The following SLC9A7 variants were observed in gnomAD, a reference collection of about 807,000 sequenced individuals.
SLC9A7 encodes solute carrier family 9 member A7.
Under a neutral mutation model 52.6 loss-of-function variants are expected in SLC9A7, and 19 were observed. The observed-to-expected ratio is 0.36, with a 90% CI of 0.25 to 0.53. SLC9A7 has a LOEUF of 0.53. Among genes scored for constraint, SLC9A7 ranks in the 20% least tolerant of loss-of-function variants. The pLI, the probability that SLC9A7 is intolerant of heterozygous loss-of-function variation, is 0.91. For missense variants in SLC9A7, 455 were observed against 597.9 expected (o/e 0.76, Z 2.49); for synonymous variants, 226 against 252.1 (o/e 0.90, Z 0.98).
At chrX:46,645,878 C>T (rs971794972) in intron 11 of SLC9A7, among the ~76,000 whole-genome samples, 2 of 110,916 alleles carry the variant, frequency 1.8e-5, no homozygotes, top group Non-Finnish European at 3.8e-5. Flanking sequence ...GAGCTTATGC[C>T]ATATTGGTAT....
At position 46,749,115 on chromosome X, in the gene SLC9A7, T is replaced by C. The variant is rs1191219602; in HGVS notation, c.325+9590A>G. Reference sequence around the variant, plus strand: ...GGCAAATGTTTTCACACACAAAGGTTTCCTTCTCAGAAACTTCACTGTCAG... The same window carrying C: ...GGCAAATGTTTTCACACACAAAGGTCTCCTTCTCAGAAACTTCACTGTCAG... On this transcript the variant is annotated intron_variant, in intron 1 of 16. Coordinates refer to ENST00000616978, the MANE Select transcript of SLC9A7 (RefSeq NM_001257291.2). Among the ~76,000 whole-genome samples, 10 of 112,250 alleles carry C rather than the reference T, an allele frequency of 8.9e-5. No homozygotes were observed. In the Admixed American group the frequency reaches 9.5e-4, roughly 11 times the overall value.
intron 1 of SLC9A7, 52 bp downstream of exon 1, chrX:46,758,653 A>C (rs1373722305): frequency 3.4e-6 from 3 of 872,967 alleles, no homozygotes; most frequent in Non-Finnish European, 4.6e-6. Flanking sequence ...CGCCAGGAGG[A>C]GCGCGGCGGC....
Position 46,629,105 on chromosome X carries a change from G to A in SLC9A7, c.1740+2481C>T, listed in dbSNP as rs750121428. Among the ~76,000 whole-genome samples the A allele has an allele frequency of 8.9e-5, 10 of 112,368 alleles. No individual in the cohort carries two copies. In the East Asian group the frequency reaches 2.8e-3, roughly 32 times the overall value. On this transcript the variant is annotated intron_variant, in intron 14 of 16. Transcript: ENST00000616978. Reference sequence around the variant, plus strand: ...ACTTTGAGGGGCCCTCTGCATGACTGTGTATGAGGTCTGGAAGGAAGGAGG... The same window carrying A: ...ACTTTGAGGGGCCCTCTGCATGACTATGTATGAGGTCTGGAAGGAAGGAGG...
chrX:46,654,982 CTT>C (rs60881484), intron 7 of SLC9A7, among the ~76,000 whole-genome samples: 3 of 83,597 alleles, frequency 3.6e-5, no homozygotes, highest in African/African-American at 1.4e-4. Flanking sequence ...TTCTTTCTTT[CTT>C]TTTTTTTTTT....
chrX:46,660,244 T>C (rs1813859189), intron 7 of SLC9A7, among the ~76,000 whole-genome samples: 1 of 110,867 alleles, frequency 9.0e-6, no homozygotes, highest in Non-Finnish European at 1.9e-5. Flanking sequence ...GACTTAAATG[T>C]TAGACCTAAA....
intron 3 of SLC9A7, among the ~76,000 whole-genome samples, chrX:46,674,568 T>C (rs751081480): frequency 1.8e-5 from 2 of 111,596 alleles, no homozygotes; most frequent in African/African-American, 6.5e-5. Flanking sequence ...AAGTCACACG[T>C]CCGCCAAACC....
At chrX:46,655,507 GGT>G (rs1943664073) in intron 7 of SLC9A7, among the ~76,000 whole-genome samples, 1 of 111,365 alleles carries the variant, frequency 9.0e-6, no homozygotes, top group South Asian at 3.8e-4. Flanking sequence ...CAGGTCAGTG[GGT>G]GCGCGCACCA....
intron 1 of SLC9A7, among the ~76,000 whole-genome samples, chrX:46,742,669 ATATC>A (rs759431174): frequency 2.7e-5 from 3 of 112,496 alleles, no homozygotes; most frequent in Non-Finnish European, 3.8e-5. Context: ...GTGGTTACAC[ATATC>A]TATCTATCTA....
chrX:46,659,685 C>T (rs1943777033), intron 7 of SLC9A7, among the ~76,000 whole-genome samples: 1 of 60,195 alleles, frequency 1.7e-5, no homozygotes, highest in Non-Finnish European at 2.9e-5. Context: ...AGGACCTCTT[C>T]AAGGAGAACT....
intron 1 of SLC9A7, chrX:46,725,114 C>T: frequency 3.4e-6 from 2 of 591,006 alleles, no homozygotes; most frequent in Non-Finnish European, 6.0e-6. Flanking sequence ...CCCCTAGTCC[C>T]ATAATATGTG....
chrX:46,653,559 G>T (rs1943618357), intron 8 of SLC9A7, 50 bp downstream of exon 8: 7 of 875,862 alleles, frequency 8.0e-6, no homozygotes, highest in Non-Finnish European at 1.2e-5. Context: ...AGTTCCCACA[G>T]ACCCCACTAC....
intron 6 of SLC9A7, 90 bp downstream of exon 6, chrX:46,662,448 T>C (rs936128733): frequency 2.5e-5 from 16 of 641,062 alleles, no homozygotes; most frequent in Non-Finnish European, 3.4e-5. Flanking sequence ...CAATTCAATA[T>C]GTAATACATT....
intron 7 of SLC9A7, among the ~76,000 whole-genome samples, chrX:46,659,179 A>C (rs1182896379): frequency 8.9e-6 from 1 of 112,142 alleles, no homozygotes; most frequent in East Asian, 2.8e-4. Context: ...AACAACCTTC[A>C]TGCTAAAAAC....
rs749642792 is a variant in SLC9A7 at position 46,631,679 on chromosome X, G to A, written c.1677-30C>T. 8.8e-6 allele frequency: 10 copies of A among 1,139,402 alleles called. No individual in the cohort carries two copies. In the African/African-American group the frequency reaches 1.6e-4, roughly 18 times the overall value. 93.9% of individuals were successfully genotyped at this position (1,139,402 alleles called of 1,213,427 possible). On this transcript the variant is annotated intron_variant, in intron 13 of 16. Coordinates refer to ENST00000616978, the MANE Select transcript of SLC9A7 (RefSeq NM_001257291.2). ...AAGTCACCAGGGAGAAAGACAAAGA[G>A]AAAAACAGAGCGTATTAGCTTGGCC...
chrX:46,669,455 C>A, intron 5 of SLC9A7, 152 bp downstream of exon 5: 1 of 381,761 alleles, frequency 2.6e-6, no homozygotes. Flanking sequence ...GTCTGTTAGA[C>A]CCACCTATTG....
rs779971441 is a variant in SLC9A7, at chrX:46,651,299, C to T, written c.1236+17G>A. ...TGTGTTAACAAGCAACTCGTGAGTACCAAGCCTCTCTCTCACCTGCTTGGT... is the reference window on the plus strand; with the variant it reads ...TGTGTTAACAAGCAACTCGTGAGTATCAAGCCTCTCTCTCACCTGCTTGGT... On this transcript the variant is annotated intron_variant, in intron 9 of 16. Coordinates refer to ENST00000616978, the MANE Select transcript of SLC9A7 (RefSeq NM_001257291.2). The T allele has an allele frequency of 6.7e-6, 8 of 1,199,097 alleles. No homozygotes were observed. Among genetic ancestry groups the T allele is most frequent in the Non-Finnish European group, 9.0e-6 (8 of 886,641 alleles).
At position 46,662,519 on chromosome X, in the gene SLC9A7, C is replaced by T. The variant is rs775078037; in HGVS notation, c.899+19G>A. On this transcript the variant is annotated intron_variant, in intron 6 of 16. Coordinates refer to ENST00000616978, the MANE Select transcript of SLC9A7 (RefSeq NM_001257291.2). ...GGAAACTGGGGTGTCTCTTCTCCAG[C>T]AGAAACACTGCTACTTACGAGGACA... The T allele has an allele frequency of 8.7e-7, 1 of 1,147,608 alleles. No individual in the cohort carries two copies. The highest frequency in any genetic ancestry group is 1.8e-5 in the African/African-American group (1 of 56,066). 94.6% of individuals were successfully genotyped at this position (1,147,608 alleles called of 1,213,427 possible).
chrX:46,728,536 T>C (rs144961006), intron 1 of SLC9A7, among the ~76,000 whole-genome samples: 73 of 112,436 alleles, frequency 6.5e-4, no homozygotes, highest in Non-Finnish European at 1.1e-3. Context: ...AGCTTCTACA[T>C]TGCTGATGGA....
At chrX:46,662,733 G>T in intron 5 of SLC9A7, 90 bp from the exon 6 acceptor site, 1 of 596,971 alleles carries the variant, frequency 1.7e-6, no homozygotes, top group Admixed American at 3.0e-5. Context: ...TCCTATCTTG[G>T]GTGGGACTGG....
Sources: allele counts gnomAD v4.1 joint callset (sites outside exome capture counted in the v4.1 genomes callset), GRCh38; gene constraint gnomAD v4.1.1; transcripts MANE v1.5; gene names NCBI Gene and HGNC (gene_info 2026-07-23, HGNC 2026-07-21).